Variants in CPEB3 observed in about 807,000 individuals in gnomAD.
CPEB3 encodes the protein cytoplasmic polyadenylation element binding protein 3, also known as cytoplasmic polyadenylation element-binding protein 3.
Under a neutral mutation model 67.2 loss-of-function variants are expected in CPEB3, and 20 were observed. That is an observed-to-expected ratio of 0.30 (90% CI 0.21 to 0.43). The LOEUF (loss-of-function observed/expected upper bound fraction) is 0.43. CPEB3 is among the 20% of genes least tolerant of loss of function. The pLI is 1.00. For missense variants in CPEB3, 746 were observed against 968.6 expected (o/e 0.77, Z 3.05); for synonymous variants, 376 against 393.1 (o/e 0.96, Z 0.51).
intron 1 of CPEB3, among the ~76,000 whole-genome samples, chr10:92,283,813 G>A (rs1483568755): frequency 1.4e-5 from 2 of 138,406 alleles, no homozygotes; most frequent in African/African-American, 2.7e-5. Flanking sequence ...TGCAACCTCT[G>A]CCTCCCCAGT....
intron 4 of CPEB3, among the ~76,000 whole-genome samples, chr10:92,158,614 C>CAATTTTCA (rs1364207463): frequency 6.6e-6 from 1 of 152,150 alleles, no homozygotes; most frequent in Non-Finnish European, 1.5e-5. Context: ...TGTTTCTGCA[C>CAATTTTCA]AATTTTCAGT....
intron 4 of CPEB3, among the ~76,000 whole-genome samples, chr10:92,154,240 G>A (rs954340976): frequency 6.6e-6 from 1 of 152,172 alleles, no homozygotes; most frequent in Non-Finnish European, 1.5e-5. Flanking sequence ...CACTCCCAAA[G>A]AAAAATGGTA....
At chr10:92,240,859 T>TA (rs984550948) in intron 1 of CPEB3, among the ~76,000 whole-genome samples, 1 of 125,666 alleles carries the variant, frequency 8.0e-6, no homozygotes, top group Non-Finnish European at 1.7e-5. Flanking sequence ...GAACACTTTT[T>TA]AAAAAAACAA....
chr10:92,105,081 G>A (rs891085800), intron 7 of CPEB3, among the ~76,000 whole-genome samples: 2 of 152,008 alleles, frequency 1.3e-5, no homozygotes, highest in African/African-American at 4.8e-5. Flanking sequence ...CCACAATTTA[G>A]ACCAAGAATT....
intron 6 of CPEB3, among the ~76,000 whole-genome samples, chr10:92,141,492 G>A (rs1343204502): frequency 6.9e-6 from 1 of 145,154 alleles, no homozygotes; most frequent in South Asian, 2.2e-4. Flanking sequence ...GGGGTGGGGG[G>A]ATGGGGGAGG....
intron 9 of CPEB3, among the ~76,000 whole-genome samples, chr10:92,072,631 T>A (rs758274016): frequency 1.5e-4 from 23 of 152,238 alleles, no homozygotes; most frequent in Middle Eastern, 3.2e-3. Flanking sequence ...AAGCTAGGAA[T>A]AGACCCAGAT....
chr10:92,221,441 C>G lies in CPEB3; in HGVS notation c.1005+17905G>C, dbSNP rs1035507485. On this transcript the variant is annotated intron_variant, in intron 2 of 9. Coordinates refer to ENST00000265997, the MANE Select transcript of CPEB3 (RefSeq NM_014912.5). ...CCGAGAGGCAAAGCCTGCAGTGAGA[C>G]GAGATCACGCCAGTGCACTCCAGCC... 1.3e-5 allele frequency among the ~76,000 whole-genome samples: 2 copies of G among 152,164 alleles called. 1 individual carries two copies. The highest frequency in any genetic ancestry group is 4.1e-4 in the South Asian group (2 of 4,830).
At position 92,080,022 on chromosome 10, in the gene CPEB3, A is replaced by G. The variant is rs915440054; in HGVS notation, c.1869+1298T>C. On this transcript the variant is annotated intron_variant, in intron 9 of 9. Coordinates refer to ENST00000265997, the MANE Select transcript of CPEB3 (RefSeq NM_014912.5). ...GAGACCATCCTGGCTAACATGGTGA[A>G]ACCCCGTCTCTACTAAAAATACAAA... Among the ~76,000 whole-genome samples the G allele has an allele frequency of 2.6e-5, 4 of 151,736 alleles. No homozygotes were observed. The South Asian group carries it at 6.3e-4, about 24-fold the overall frequency.
chr10:92,061,507 A>G (rs1260284061), intron 9 of CPEB3, among the ~76,000 whole-genome samples: 1 of 152,170 alleles, frequency 6.6e-6, no homozygotes, highest in Non-Finnish European at 1.5e-5. Context: ...GCCATAAAAA[A>G]GAATAAGATC....
At chr10:92,094,377 C>G (rs968149902) in intron 7 of CPEB3, among the ~76,000 whole-genome samples, 1 of 151,960 alleles carries the variant, frequency 6.6e-6, no homozygotes, top group East Asian at 2.0e-4. Flanking sequence ...CCGAGGCAGG[C>G]GGATCACGAG....
intron 4 of CPEB3, among the ~76,000 whole-genome samples, chr10:92,166,129 G>A (rs1847730134): frequency 6.8e-6 from 1 of 147,334 alleles, no homozygotes; most frequent in Admixed American, 6.8e-5. Flanking sequence ...TTTTTTTTGA[G>A]ACAGAGTTTC....
At position 92,104,594 on chromosome 10, in the gene CPEB3, A is replaced by G. The variant is rs1844350439; in HGVS notation, c.1572+6482T>C. Among the ~76,000 whole-genome samples, 3 of 151,896 alleles carry G rather than the reference A, an allele frequency of 2.0e-5. No individual in the cohort carries two copies. The South Asian group carries it at 6.2e-4, about 32-fold the overall frequency. ...AGTAGAGACGGGGTTTCACCGTGTT[A>G]GCCAGGACGGTCTCGATCTCCTGAC... On this transcript the variant is annotated intron_variant, in intron 7 of 9. Transcript: ENST00000265997.
intron 2 of CPEB3, among the ~76,000 whole-genome samples, chr10:92,206,911 T>C (rs1470035575): frequency 1.3e-5 from 2 of 152,218 alleles, no homozygotes; most frequent in Admixed American, 1.3e-4. Flanking sequence ...GAATTATTCA[T>C]GTTTTTGCTT....
intron 6 of CPEB3, among the ~76,000 whole-genome samples, chr10:92,140,040 C>A (rs1331213617): frequency 6.7e-6 from 1 of 150,328 alleles, no homozygotes; most frequent in Non-Finnish European, 1.5e-5. Flanking sequence ...CCATTGCACT[C>A]CAGCCTGGGC....
At chr10:92,253,385 G>C (rs141340327) in intron 1 of CPEB3, among the ~76,000 whole-genome samples, 9 of 142,656 alleles carry the variant, frequency 6.3e-5, no homozygotes, top group Admixed American at 2.2e-4. Flanking sequence ...ACTTGAACCC[G>C]AGAGGTGGAG....
intron 6 of CPEB3, among the ~76,000 whole-genome samples, chr10:92,135,446 CA>C (rs1197894479): frequency 1.3e-5 from 2 of 152,148 alleles, no homozygotes; most frequent in African/African-American, 4.8e-5. Flanking sequence ...AAATGCAAAT[CA>C]AAACCACAAT....
intron 2 of CPEB3, among the ~76,000 whole-genome samples, chr10:92,235,417 C>G (rs1255105731): frequency 6.6e-6 from 1 of 151,888 alleles, no homozygotes; most frequent in Non-Finnish European, 1.5e-5. Flanking sequence ...TGCACTCCAG[C>G]CTGGGTGACA....
At chr10:92,269,607 G>C (rs1853212818) in intron 1 of CPEB3, among the ~76,000 whole-genome samples, 1 of 152,090 alleles carries the variant, frequency 6.6e-6, no homozygotes, top group Admixed American at 6.6e-5. Flanking sequence ...ACCCAGGCTG[G>C]AGTGCAATGG....
In CPEB3 at chr10:92,048,109, G is replaced by A. The variant is rs1366760687; in HGVS notation, c.*4103C>T. On this transcript the variant is annotated 3_prime_UTR_variant, in exon 10 of 10. Coordinates refer to ENST00000265997, the MANE Select transcript of CPEB3 (RefSeq NM_014912.5). This position sits in a 1 kb window ranked among gnomAD's most constrained non-coding sequence, Gnocchi z 4.1. ...AGCAGGCATGGGTGTGGAGGAAGAT[G>A]CAACCCGACACATAGTCAGGGTCCA... 1 of 152,296 alleles carries A rather than the reference G, an allele frequency of 6.6e-6. No individual in the cohort carries two copies. Among genetic ancestry groups the A allele is most frequent in the African/African-American group, 2.4e-5 (1 of 41,446 alleles). 9.4% of individuals were successfully genotyped at this position (152,296 alleles called of 1,614,324 possible).
Sources: gnomAD v4.1 joint callset for allele counts (sites outside exome capture counted in the v4.1 genomes callset) on GRCh38, gnomAD v4.1.1 for gene constraint, Gnocchi (gnomAD v3.1) non-coding constraint, MANE v1.5 for transcripts, NCBI Gene and HGNC (gene_info 2026-07-23, HGNC 2026-07-21) for gene names.